Variants in PPP2R5E observed in about 807,000 individuals in gnomAD.
PPP2R5E encodes the protein protein phosphatase 2 regulatory subunit B'epsilon.
PPP2R5E carries 4 observed loss-of-function variants against 65.3 expected under a neutral mutation model. The observed-to-expected ratio is 0.06, with a 90% confidence interval of 0.03 to 0.14. The LOEUF (loss-of-function observed/expected upper bound fraction) is 0.14. Among genes scored for constraint, PPP2R5E ranks in the 10% least tolerant of loss-of-function variants. PPP2R5E has a pLI of 1.00. For missense variants in PPP2R5E, 274 were observed against 556.1 expected, an observed-to-expected ratio of 0.49 and a Z score of 5.10; for synonymous variants, 183 against 187.4, an observed-to-expected ratio of 0.98 and a Z score of 0.19.
chr14:63,436,525 T>C (rs1163211915), intron 3 of PPP2R5E, among the ~76,000 whole-genome samples: 1 of 152,220 alleles, frequency 6.6e-6, no homozygotes, highest in East Asian at 1.9e-4. Flanking sequence ...TGGTGAGTAA[T>C]TAAAACACAC....
rs1594941221 is a variant in PPP2R5E at position 63,496,476 on chromosome 14, G to C, written c.158-42591C>G. Among the ~76,000 whole-genome samples, 4 of 150,368 alleles carry C rather than the reference G, an allele frequency of 2.7e-5. No individual in the cohort carries two copies. In the East Asian group the frequency reaches 7.8e-4, roughly 29 times the overall value. On this transcript the variant is annotated intron_variant, in intron 2 of 13. Coordinates refer to ENST00000337537, the MANE Select transcript of PPP2R5E (RefSeq NM_006246.5). The stretch of plus-strand genomic sequence containing the variant: ...AAAAAAAAAGAGTGAGCCACTTAAG[G>C]CTTAATTAAATTTGCCAAACCAACC...
chr14:63,404,960 G>A (rs1167549044), intron 5 of PPP2R5E, among the ~76,000 whole-genome samples: 1 of 152,162 alleles, frequency 6.6e-6, no homozygotes, highest in Admixed American at 6.5e-5. Flanking sequence ...AACATGCGGT[G>A]GTCCCTGCTC....
intron 3 of PPP2R5E, among the ~76,000 whole-genome samples, chr14:63,425,670 A>G (rs1348425114): frequency 6.6e-6 from 1 of 152,260 alleles, no homozygotes. Flanking sequence ...CTAATTAGGA[A>G]TATACAACAC....
intron 3 of PPP2R5E, among the ~76,000 whole-genome samples, chr14:63,440,194 G>A (rs1028649162): frequency 6.6e-6 from 1 of 152,190 alleles, no homozygotes; most frequent in Non-Finnish European, 1.5e-5. Context: ...CTGGGTGGAA[G>A]AGAGAGAGGG....
intron 2 of PPP2R5E, among the ~76,000 whole-genome samples, chr14:63,496,815 T>C (rs1040903777): frequency 2.0e-5 from 3 of 149,650 alleles, no homozygotes; most frequent in Non-Finnish European, 4.5e-5. Flanking sequence ...CTGACAGAAA[T>C]AAAAATTAAT....
At chr14:63,410,834 AC>A (rs1181699204) in intron 5 of PPP2R5E, among the ~76,000 whole-genome samples, 2 of 152,056 alleles carry the variant, frequency 1.3e-5, no homozygotes, top group Non-Finnish European at 2.9e-5. Context: ...TTCTGCCAAT[AC>A]CCCTGCTTGC....
intron 2 of PPP2R5E, among the ~76,000 whole-genome samples, chr14:63,480,348 C>T (rs113311423): frequency 0.025 from 3,734 of 152,128 alleles, 94 homozygotes; most frequent in African/African-American, 0.069. Context: ...CCCAGCTACT[C>T]GGGAGGCTGA....
intron 2 of PPP2R5E, among the ~76,000 whole-genome samples, chr14:63,475,177 T>C (rs1438728548): frequency 6.6e-6 from 1 of 152,258 alleles, no homozygotes; most frequent in African/African-American, 2.4e-5. Flanking sequence ...CAGCATCTAT[T>C]CCTGCCTTCG....
chr14:63,520,097 G>A (rs71414497), intron 2 of PPP2R5E, among the ~76,000 whole-genome samples: 456 of 152,034 alleles, frequency 3.0e-3, no homozygotes, highest in Non-Finnish European at 5.6e-3. Context: ...GTGCAGTGGC[G>A]CAATCTCAGC....
chr14:63,461,258 A>T (rs1889443267), intron 2 of PPP2R5E, among the ~76,000 whole-genome samples: 1 of 152,122 alleles, frequency 6.6e-6, no homozygotes. Context: ...ACTAAAAAAG[A>T]GCTGCAAGAA....
At position 63,407,003 on chromosome 14, in the gene PPP2R5E, C is replaced by CTAA. The variant is rs1291286007; in HGVS notation, c.549+8134_549+8136dup. 7.9e-5 allele frequency among the ~76,000 whole-genome samples: 12 copies of CTAA among 152,256 alleles called. No homozygotes were observed. In the East Asian group the frequency reaches 2.3e-3, roughly 29 times the overall value. On this transcript the variant is annotated intron_variant, in intron 5 of 13. Transcript: ENST00000337537. ...TAAGAAAGTTCTCAAAACAAGAATC[C>CTAA]TAATAAAAATATTAGTGACACCACC...
intron 2 of PPP2R5E, among the ~76,000 whole-genome samples, chr14:63,495,505 C>T (rs1169079886): frequency 6.6e-6 from 1 of 151,266 alleles, no homozygotes; most frequent in East Asian, 1.9e-4. Context: ...TGCTTGAACC[C>T]GGGAGGCAGA....
chr14:63,380,392 G>T (rs2139740543), intron 13 of PPP2R5E, among the ~76,000 whole-genome samples: 1 of 152,200 alleles, frequency 6.6e-6, no homozygotes, highest in Admixed American at 6.5e-5. Flanking sequence ...GCTGGGCGCG[G>T]TGGCTTACGC....
chr14:63,377,060 G>C (rs1884027235), intron 13 of PPP2R5E, among the ~76,000 whole-genome samples: 1 of 151,976 alleles, frequency 6.6e-6, no homozygotes, highest in East Asian at 1.9e-4. Context: ...TTGAACCCGG[G>C]GGGCGGAGAT....
intron 12 of PPP2R5E, among the ~76,000 whole-genome samples, chr14:63,383,623 A>G (rs1046936604): frequency 6.6e-6 from 1 of 152,262 alleles, no homozygotes; most frequent in African/African-American, 2.4e-5. Context: ...GATATTTTAT[A>G]ATTACATGCA....
In PPP2R5E at chr14:63,486,814, GTTCTCTCAAATGACAC is replaced by G. The variant is rs1372395160; in HGVS notation, c.158-32945_158-32930del. On this transcript the variant is annotated intron_variant, in intron 2 of 13. Coordinates refer to ENST00000337537, the MANE Select transcript of PPP2R5E (RefSeq NM_006246.5). ...CTTTCTCTCCAACCACCCTTAGAGG[GTTCTCTCAAATGACAC>G]TTCTTTCATGAAGACTTTCCTGGCT... 1.2e-4 allele frequency among the ~76,000 whole-genome samples: 19 copies of G among 152,270 alleles called. No individual in the cohort carries two copies. The East Asian group carries it at 3.3e-3, about 26-fold the overall frequency.
intron 5 of PPP2R5E, among the ~76,000 whole-genome samples, chr14:63,403,604 G>C (rs749194968): frequency 6.6e-6 from 1 of 150,596 alleles, no homozygotes; most frequent in African/African-American, 2.4e-5. Context: ...AATTAGAGCA[G>C]GATGACCAGG....
chr14:63,540,741 C>G (rs1008701417), intron 1 of PPP2R5E, among the ~76,000 whole-genome samples: 1 of 147,496 alleles, frequency 6.8e-6, no homozygotes, highest in African/African-American at 2.5e-5. Flanking sequence ...AAAAAAGAAA[C>G]AAACAAAGAA....
In PPP2R5E at chr14:63,475,470, T is replaced by G. The variant is rs567103068; in HGVS notation, c.158-21585A>C. On this transcript the variant is annotated intron_variant, in intron 2 of 13. Coordinates refer to ENST00000337537, the MANE Select transcript of PPP2R5E (RefSeq NM_006246.5). ...TAAATCAAAGACCAATGAACACTTTTAGTGATGAAAGTCTAAGGAAGCTTA... is the reference window on the plus strand; with the variant it reads ...TAAATCAAAGACCAATGAACACTTTGAGTGATGAAAGTCTAAGGAAGCTTA... Among the ~76,000 whole-genome samples the G allele has an allele frequency of 1.8e-4, 27 of 152,382 alleles. No homozygotes were observed. In the South Asian group the frequency reaches 5.6e-3, roughly 32 times the overall value.
Sources: allele counts gnomAD v4.1 joint callset (sites outside exome capture counted in the v4.1 genomes callset), GRCh38; gene constraint gnomAD v4.1.1; transcripts MANE v1.5; gene names NCBI Gene and HGNC (gene_info 2026-07-23, HGNC 2026-07-21).